Variants in LONP2 observed in about 807,000 individuals in gnomAD.
LONP2 encodes lon peptidase 2, peroxisomal.
LONP2 carries 60 observed loss-of-function variants against 85.6 expected under a neutral mutation model. The observed-to-expected ratio is 0.70, with a 90% CI of 0.57 to 0.87. The LOEUF (loss-of-function observed/expected upper bound fraction) is 0.87. Among genes scored for constraint, LONP2 ranks in the 40% least tolerant of loss-of-function variants. The pLI, the probability that LONP2 is intolerant of heterozygous loss-of-function variation, is 0.00. For missense variants in LONP2, 860 were observed against 1,063.5 expected (o/e 0.81, Z 2.66); for synonymous variants, 395 against 389.7 (o/e 1.01, Z -0.16).
In LONP2 at chr16:48,303,172, G is replaced by C. The variant is rs773706389; in HGVS notation, c.1662G>C (p.Arg554Ser). Residue 554 changes from arginine (R) to serine (S), a missense_variant and splice_region_variant, in exon 11 of 15, where the codon AGG becomes AGC. Coordinates refer to ENST00000285737, the MANE Select transcript of LONP2 (RefSeq NM_031490.5). ...ATAAAATATTTTTGTTTGATGACAG[G>C]TATACCAGAGAGGCAGGGGTTCGTT... ...PQVTTLDIIT[R>S]YTREAGVRSL... 1 of 1,614,006 alleles carries C rather than the reference G, an allele frequency of 6.2e-7. No homozygotes were observed. The highest frequency in any genetic ancestry group is 1.1e-5 in the South Asian group (1 of 91,080).
At chr16:48,358,336 T>TAAAC (rs141704223), downstream of LONP2, among the ~76,000 whole-genome samples, 2,424 of 152,252 alleles carry the variant, frequency 0.016, 78 homozygotes, top group African/African-American at 0.056. Flanking sequence ...CCCAAGAATA[T>TAAAC]AAACAGAAAA....
chr16:48,359,291 C>T (rs1480166960), downstream of LONP2, among the ~76,000 whole-genome samples: 1 of 152,122 alleles, frequency 6.6e-6, no homozygotes, highest in Non-Finnish European at 1.5e-5. Flanking sequence ...TATTGGGAGC[C>T]CTTTTACATA....
At chr16:48,259,359 A>C (rs189496303) in intron 4 of LONP2, among the ~76,000 whole-genome samples, 61 of 152,328 alleles carry the variant, frequency 4.0e-4, no homozygotes, top group Non-Finnish European at 7.5e-4. Flanking sequence ...ACCACTAATT[A>C]AATAATCCTT....
At chr16:48,288,486 A>G (rs950820588) in intron 8 of LONP2, among the ~76,000 whole-genome samples, 3 of 152,168 alleles carry the variant, frequency 2.0e-5, no homozygotes, top group Admixed American at 1.3e-4. Context: ...TAAGACTGCC[A>G]TAACAAAATA....
chr16:48,351,488 TA>T (rs1227235553), intron 14 of LONP2, 92 bp from the exon 15 acceptor site: 1 of 911,942 alleles, frequency 1.1e-6, no homozygotes. Context: ...TTTAAAATAG[TA>T]GTGGTTAAAT....
intron 11 of LONP2, among the ~76,000 whole-genome samples, chr16:48,316,816 T>C (rs568632282): frequency 3.9e-5 from 6 of 152,336 alleles, no homozygotes; most frequent in African/African-American, 4.8e-5. Context: ...TACCTTTTTT[T>C]CCCCCTTGAT....
At chr16:48,308,310 A>G (rs187720133) in intron 11 of LONP2, among the ~76,000 whole-genome samples, 5 of 151,728 alleles carry the variant, frequency 3.3e-5, no homozygotes, top group Admixed American at 6.6e-5. Context: ...AAACTGAACC[A>G]CTCTCTCTCT....
intron 14 of LONP2, among the ~76,000 whole-genome samples, chr16:48,349,494 T>C (rs1251300081): frequency 6.6e-6 from 1 of 152,084 alleles, no homozygotes; most frequent in Non-Finnish European, 1.5e-5. Context: ...TGGTCCCCTC[T>C]CAGAGCAAAT....
At chr16:48,320,052 C>T (rs1050693484) in intron 11 of LONP2, among the ~76,000 whole-genome samples, 2 of 149,600 alleles carry the variant, frequency 1.3e-5, no homozygotes, top group Non-Finnish European at 3.0e-5. Context: ...CTCAACTACT[C>T]GGGAGGCTGA....
downstream of LONP2, among the ~76,000 whole-genome samples, chr16:48,357,928 G>A (rs1436044827): frequency 6.6e-6 from 1 of 152,142 alleles, no homozygotes; most frequent in African/African-American, 2.4e-5. Context: ...ACAATTTCAA[G>A]TTTAAGGGTA....
chr16:48,335,879 G>A (rs1959630175), intron 12 of LONP2, among the ~76,000 whole-genome samples: 1 of 152,162 alleles, frequency 6.6e-6, no homozygotes, highest in Non-Finnish European at 1.5e-5. Flanking sequence ...TTGATTATTT[G>A]AATTCTTAAG....
intron 14 of LONP2, among the ~76,000 whole-genome samples, chr16:48,349,431 C>T (rs942101897): frequency 4.6e-5 from 7 of 152,050 alleles, no homozygotes; most frequent in Non-Finnish European, 1.0e-4. Context: ...CCACCACGCC[C>T]GGATAATTTT....
Position 48,296,797 on chromosome 16 carries a change from C to T in LONP2, c.1534+632C>T, listed in dbSNP as rs563657748. Among the ~76,000 whole-genome samples, 238 of 151,846 alleles carry T rather than the reference C, an allele frequency of 1.6e-3. 2 individuals carry two copies. Among genetic ancestry groups the T allele is most frequent in the African/African-American group, 5.3e-3 (221 of 41,404 alleles). On this transcript the variant is annotated intron_variant, in intron 9 of 14. Coordinates refer to ENST00000285737, the MANE Select transcript of LONP2 (RefSeq NM_031490.5). ...CTCACTTTTATATTAAAGTGCATGC[C>T]GCTTTTAAATTCCTCTTGAATCTGT...
In LONP2 at chr16:48,351,740, G is replaced by A. The variant is rs1352687618; in HGVS notation, c.2497G>A (p.Ala833Thr). 1 of 1,614,064 alleles carries A rather than the reference G, an allele frequency of 6.2e-7. No homozygotes were observed. The highest frequency in any genetic ancestry group is 8.5e-7 in the Non-Finnish European group (1 of 1,180,046). Residue 833 changes from alanine (A) to threonine (T), a missense_variant, in exon 15 of 15, where the codon GCA becomes ACA. Around this residue, in one of 3 missense-constraint regions of LONP2, gnomAD observed 115 missense variants for 129.0 expected, o/e 0.89. Transcript: ENST00000285737. ...AAGCTGCCTGGATGAGGTTCTTAAT[G>A]CAGCTTTTGATGGTGGCTTTACTGT... is the stretch of plus-strand genomic sequence containing the variant. ...TASCLDEVLN[A>T]AFDGGFTVKT...
intron 4 of LONP2, among the ~76,000 whole-genome samples, chr16:48,259,535 G>T (rs1240255707): frequency 6.6e-6 from 1 of 152,220 alleles, no homozygotes; most frequent in Non-Finnish European, 1.5e-5. Context: ...AAGGTGTTGA[G>T]ATGCAGCGCT....
In LONP2 at chr16:48,347,496, C is replaced by T; in HGVS notation, c.1939-11C>T. The T allele has an allele frequency of 6.2e-7, 1 of 1,614,100 alleles. No individual in the cohort carries two copies. The highest frequency in any genetic ancestry group is 8.5e-7 in the Non-Finnish European group (1 of 1,179,954). On this transcript the variant is annotated splice_polypyrimidine_tract_variant and intron_variant, in intron 12 of 14. Coordinates refer to ENST00000285737, the MANE Select transcript of LONP2 (RefSeq NM_031490.5). ...TGCCAACCCAACTCTGATCATTCTT[C>T]TTCTTTCAAGGTATCTCAGCGTTTG... is the stretch of plus-strand genomic sequence containing the variant.
chr16:48,298,874 ATTATTGAC>A (rs1206974036), intron 9 of LONP2, among the ~76,000 whole-genome samples: 2 of 151,916 alleles, frequency 1.3e-5, no homozygotes, highest in East Asian at 3.9e-4. Flanking sequence ...AATTTTAACA[ATTATTGAC>A]TTAGATCAAA....
At chr16:48,258,437 A>C (rs907888514) in intron 3 of LONP2, among the ~76,000 whole-genome samples, 181 bp from the exon 4 acceptor site, 1 of 151,990 alleles carries the variant, frequency 6.6e-6, no homozygotes, top group African/African-American at 2.4e-5. Flanking sequence ...GGATTCTGAT[A>C]TTCATCTCAA....
Position 48,356,758 on chromosome 16 carries a change from A to G in LONP2, c.*4956A>G, listed in dbSNP as rs1484226504. 6 of 313,280 alleles carry G rather than the reference A, an allele frequency of 1.9e-5. No individual in the cohort carries two copies. The highest frequency in any genetic ancestry group is 1.3e-4 in the South Asian group (5 of 38,204). The allele number at this position is 313,280 out of a possible 1,614,324, so 19.4% of individuals were successfully genotyped here. A position where few individuals can be genotyped will look rare whatever the true frequency, so the allele number is the denominator to read the frequency against. On this transcript the variant is annotated 3_prime_UTR_variant, in exon 15 of 15. Transcript: ENST00000285737. Reference sequence around the variant, plus strand: ...TAAAAGTTACAGCAAAAGGACTTCTAAAACAATTTTAGGAAAAGCTTTGTC... The same window carrying G: ...TAAAAGTTACAGCAAAAGGACTTCTGAAACAATTTTAGGAAAAGCTTTGTC...
Sources: allele counts gnomAD v4.1 joint callset (sites outside exome capture counted in the v4.1 genomes callset), GRCh38; gene constraint gnomAD v4.1.1; regional missense constraint gnomAD v4.1.1; transcripts MANE v1.5; gene names NCBI Gene and HGNC (gene_info 2026-07-23, HGNC 2026-07-21).